NDUFA5: variants seen among roughly 807,000 people sequenced by gnomAD.
NDUFA5 encodes NADH dehydrogenase [ubiquinone] 1 alpha subcomplex subunit 5.
Under a neutral mutation model 19.8 loss-of-function variants are expected in NDUFA5, and 11 were observed. The observed-to-expected ratio is 0.56, with a 90% CI of 0.35 to 0.92. NDUFA5 has a LOEUF of 0.92. Ranked by LOEUF, NDUFA5 falls within the 40% of genes least tolerant of loss-of-function variation. NDUFA5 has a pLI of 0.01. For synonymous variants in NDUFA5, 47 were observed against 46.8 expected (o/e 1.00, Z -0.01); for missense variants, 109 against 134.2 (o/e 0.81, Z 0.93).
intron 3 of NDUFA5, among the ~76,000 whole-genome samples, chr7:123,547,378 G>A (rs995552104): frequency 2.6e-5 from 4 of 151,458 alleles, no homozygotes; most frequent in East Asian, 1.9e-4. Context: ...CACTATGTAC[G>A]TCTTTACTCA....
In NDUFA5 at chr7:123,557,238, A is replaced by G. The variant is rs977078366; in HGVS notation, c.66+166T>C. The G allele has an allele frequency of 9.7e-6, 9 of 930,782 alleles. No homozygotes were observed. In the Admixed American group the frequency reaches 1.8e-4, roughly 19 times the overall value. 57.7% of individuals were successfully genotyped at this position (930,782 alleles called of 1,614,324 possible). A position where few individuals can be genotyped will look rare whatever the true frequency, so the allele number is the denominator to read the frequency against. On this transcript the variant is annotated intron_variant, in intron 2 of 4. Transcript: ENST00000355749. ...TGGCAAAAATAAATAAAAATGTGAC[A>G]TCGGATCAACGAAGTAGGTGGACAG... is the stretch of plus-strand genomic sequence containing the variant.
chr7:123,548,040 TGGACAG>T (rs1010493251), intron 3 of NDUFA5, among the ~76,000 whole-genome samples: 1 of 152,110 alleles, frequency 6.6e-6, no homozygotes, highest in African/African-American at 2.4e-5. Flanking sequence ...ATGAAAATCT[TGGACAG>T]GGACACAAAC....
chr7:123,598,020 G>T, the NDUFA5 span, among the ~76,000 whole-genome samples: 1 of 149,548 alleles, frequency 6.7e-6, no homozygotes, highest in Admixed American at 6.7e-5. Flanking sequence ...CTACTTGTTT[G>T]TCTCTATACA....
chr7:123,600,681 T>C, the NDUFA5 span, among the ~76,000 whole-genome samples: 1 of 152,230 alleles, frequency 6.6e-6, no homozygotes, highest in Admixed American at 6.5e-5. Flanking sequence ...AAACATAAAA[T>C]ACTTCTCAGT....
chr7:123,548,809 GC>G (rs1455754258), intron 3 of NDUFA5, among the ~76,000 whole-genome samples: 1 of 152,076 alleles, frequency 6.6e-6, no homozygotes, highest in Non-Finnish European at 1.5e-5. Context: ...CTTAAACTCA[GC>G]CTTTGAGAAA....
intron 2 of NDUFA5, chr7:123,554,611 G>A (rs1798471619): frequency 6.6e-6 from 1 of 151,984 alleles, no homozygotes; most frequent in Admixed American, 6.6e-5. Context: ...TTGAGACAAA[G>A]AGACCACATT....
the NDUFA5 span, among the ~76,000 whole-genome samples, chr7:123,573,344 C>T: frequency 2.2e-5 from 3 of 136,476 alleles, no homozygotes; most frequent in African/African-American, 5.5e-5. Flanking sequence ...AAATGCTCAT[C>T]GTAAGTGGAA....
chr7:123,544,878 C>T (rs562524726), intron 4 of NDUFA5, among the ~76,000 whole-genome samples: 1 of 150,840 alleles, frequency 6.6e-6, no homozygotes, highest in Non-Finnish European at 1.5e-5. Flanking sequence ...ACATCAGTAA[C>T]CTATCTATTT....
At chr7:123,558,029 G>A, upstream of NDUFA5, 1 of 666,320 alleles carries the variant, frequency 1.5e-6, no homozygotes, top group Non-Finnish European at 2.5e-6. Context: ...GAAAGAAAGG[G>A]TTTCCCAGCT....
the NDUFA5 span, among the ~76,000 whole-genome samples, chr7:123,580,462 T>C: frequency 6.6e-6 from 1 of 152,064 alleles, no homozygotes; most frequent in Non-Finnish European, 1.5e-5. Flanking sequence ...AGGGTAGTTA[T>C]GTGGCCTTAG....
At chr7:123,549,411 C>T (rs1217783443) in intron 3 of NDUFA5, among the ~76,000 whole-genome samples, 1 of 152,150 alleles carries the variant, frequency 6.6e-6, no homozygotes, top group Non-Finnish European at 1.5e-5. Flanking sequence ...AAAATACAAG[C>T]ATACAGTTTT....
chr7:123,594,293 C>T, the NDUFA5 span, among the ~76,000 whole-genome samples: 1 of 152,210 alleles, frequency 6.6e-6, no homozygotes, highest in East Asian at 1.9e-4. Context: ...ACTCGTCAAA[C>T]TCATTCTCTG....
chr7:123,589,735 G>T, the NDUFA5 span, among the ~76,000 whole-genome samples: 1 of 152,022 alleles, frequency 6.6e-6, no homozygotes, highest in Non-Finnish European at 1.5e-5. Flanking sequence ...GGACATTTGG[G>T]TTGATTCCAA....
chr7:123,584,455 A>G, the NDUFA5 span, among the ~76,000 whole-genome samples: 3 of 151,960 alleles, frequency 2.0e-5, no homozygotes, highest in Non-Finnish European at 4.4e-5. Flanking sequence ...AAACCTAAGA[A>G]CAACTGCTCT....
upstream of NDUFA5, among the ~76,000 whole-genome samples, chr7:123,561,630 C>T (rs1798689193): frequency 6.6e-6 from 1 of 151,858 alleles, no homozygotes; most frequent in East Asian, 1.9e-4. Flanking sequence ...GAGACAGAGT[C>T]TCTATTGCCC....
At position 123,550,556 on chromosome 7, in the gene NDUFA5, C is replaced by G; in HGVS notation, c.97G>C (p.Asp33His). The change falls in exon 3 of 5, where the codon GAT (aspartate) becomes CAT (histidine). Residue 33 changes from aspartate (D) to histidine (H), a missense_variant. Physicochemically the swap from Asp to His is moderately conservative, Grantham distance 81. Transcript: ENST00000355749. ...TTTTTAGGGATTTCCTCAAGAACAT[C>G]AAGAATCTTTGTGTACAATATTCTT... ...RLRILYTKIL[D>H]VLEEIPKNAA... 6.2e-7 allele frequency: 1 copy of G among 1,608,770 alleles called. No individual in the cohort carries two copies.
the NDUFA5 span, among the ~76,000 whole-genome samples, chr7:123,572,092 G>A: frequency 8.3e-6 from 1 of 120,926 alleles, no homozygotes; most frequent in African/African-American, 3.1e-5. Flanking sequence ...CAGACCAGTT[G>A]TCTTGTTTTA....
chr7:123,542,261 C>T lies in NDUFA5; in HGVS notation c.250-41G>A, dbSNP rs1236853921. On this transcript the variant is annotated intron_variant, in intron 4 of 4. Transcript: ENST00000355749. ...TTTTAAAAGATCATTGGATTTTACTCTTCAACAGATATTTATCAGAACAAC... is the reference window on the plus strand; with the variant it reads ...TTTTAAAAGATCATTGGATTTTACTTTTCAACAGATATTTATCAGAACAAC... 1.4e-6 allele frequency: 2 copies of T among 1,420,660 alleles called. 1 individual carries two copies. The highest frequency in any genetic ancestry group is 2.4e-5 in the South Asian group (2 of 82,670). The allele number at this position is 1,420,660 out of a possible 1,614,324, so 88.0% of individuals were successfully genotyped here. A position where few individuals can be genotyped will look rare whatever the true frequency, so the allele number is the denominator to read the frequency against.
At chr7:123,561,255 C>A (rs2116231058), upstream of NDUFA5, among the ~76,000 whole-genome samples, 1 of 152,332 alleles carries the variant, frequency 6.6e-6, no homozygotes, top group Admixed American at 6.5e-5. Flanking sequence ...TCAGTCCTCT[C>A]AATTCTGCTG....
Sources: allele counts gnomAD v4.1 joint callset (sites outside exome capture counted in the v4.1 genomes callset), GRCh38; gene constraint gnomAD v4.1.1; transcripts MANE v1.5; gene names NCBI Gene and HGNC (gene_info 2026-07-23, HGNC 2026-07-21).